The following GRAP2 variants were observed in gnomAD, a reference collection of about 807,000 sequenced individuals.
The protein encoded by GRAP2 is GRB2 related adaptor protein 2, also known as GRB2-related adapter protein 2.
A neutral mutation model predicts 43.5 loss-of-function variants in GRAP2; 31 were observed. The observed-to-expected ratio is 0.71, with a 90% CI of 0.54 to 0.96. The LOEUF (loss-of-function observed/expected upper bound fraction) is 0.96. Ranked by LOEUF, GRAP2 falls within the 40% of genes least tolerant of loss-of-function variation. The pLI is 0.00. For synonymous variants in GRAP2, 156 were observed against 164.8 expected (o/e 0.95, Z 0.41); for missense variants, 371 against 424.4 (o/e 0.87, Z 1.11).
chr22:39,906,092 A>T (rs1310139071), intron 1 of GRAP2, among the ~76,000 whole-genome samples: 1 of 152,172 alleles, frequency 6.6e-6, no homozygotes, highest in African/African-American at 2.4e-5. Context: ...GGGGGGAAAA[A>T]ATCCCTGAAA....
At chr22:39,961,357 T>C (rs1040753272) in intron 4 of GRAP2, among the ~76,000 whole-genome samples, 2 of 152,184 alleles carry the variant, frequency 1.3e-5, no homozygotes, top group African/African-American at 4.8e-5. Flanking sequence ...AGGCTGCTTC[T>C]GAAACCTTCC....
chr22:39,927,583 C>T lies in GRAP2; in HGVS notation c.-14-19510C>T, dbSNP rs17405431. On this transcript the variant is annotated intron_variant, in intron 1 of 7. Coordinates refer to ENST00000344138, the MANE Select transcript of GRAP2 (RefSeq NM_004810.4). ...CAGGATCGGATATGAATGGCCTAATCGCATCGGGAGAGGTAAACAAAACTG... is the reference window on the plus strand; with the variant it reads ...CAGGATCGGATATGAATGGCCTAATTGCATCGGGAGAGGTAAACAAAACTG... Among the ~76,000 whole-genome samples the T allele has an allele frequency of 8.3e-3, 1,262 of 152,336 alleles. 4 individuals are homozygous for T. Among genetic ancestry groups the T allele is most frequent in the Non-Finnish European group, 0.013 (871 of 68,034 alleles).
chr22:39,915,521 C>G (rs1173320442), intron 1 of GRAP2, among the ~76,000 whole-genome samples: 1 of 152,208 alleles, frequency 6.6e-6, no homozygotes, highest in Non-Finnish European at 1.5e-5. Flanking sequence ...TGCTGGTGCC[C>G]TCTCCTTTGT....
At chr22:39,930,647 A>T (rs532227599) in intron 1 of GRAP2, among the ~76,000 whole-genome samples, 157 of 152,286 alleles carry the variant, frequency 1.0e-3, no homozygotes, top group African/African-American at 3.5e-3. Context: ...CTGCCATCTG[A>T]TTAAACATTC....
intron 1 of GRAP2, among the ~76,000 whole-genome samples, chr22:39,934,288 A>T (rs1169410177): frequency 6.6e-6 from 1 of 152,170 alleles, no homozygotes; most frequent in Non-Finnish European, 1.5e-5. Context: ...TGATACTCAG[A>T]GTGTTGATTA....
intron 2 of GRAP2, among the ~76,000 whole-genome samples, chr22:39,950,447 G>T: frequency 6.6e-6 from 1 of 152,200 alleles, no homozygotes; most frequent in Non-Finnish European, 1.5e-5. Context: ...CAAAAGCTGT[G>T]CAAGGGCAGG....
At chr22:39,936,208 G>A (rs557708328) in intron 1 of GRAP2, among the ~76,000 whole-genome samples, 13 of 152,022 alleles carry the variant, frequency 8.6e-5, no homozygotes, top group Admixed American at 3.9e-4. Context: ...CCCCCACCCC[G>A]CCCTCCACCC....
rs192026234 is a variant in GRAP2, at chr22:39,905,741, G to A, written c.-15+4411G>A. Among the ~76,000 whole-genome samples the A allele has an allele frequency of 5.3e-5, 8 of 152,216 alleles. No homozygotes were observed. In the East Asian group the frequency reaches 9.6e-4, roughly 18 times the overall value. On this transcript the variant is annotated intron_variant, in intron 1 of 7. Transcript: ENST00000344138. ...ACTGAGGTACGGAGAGGTCTAGTAC[G>A]TTGCACAAGGTCACTTAACTAGTAC... is the stretch of plus-strand genomic sequence containing the variant.
intron 1 of GRAP2, among the ~76,000 whole-genome samples, chr22:39,942,932 G>T (rs982924658): frequency 6.6e-6 from 1 of 152,160 alleles, no homozygotes; most frequent in Non-Finnish European, 1.5e-5. Flanking sequence ...ATAAACTGGG[G>T]CAAGTATTCA....
intron 1 of GRAP2, among the ~76,000 whole-genome samples, chr22:39,927,695 T>C (rs1217468288): frequency 1.3e-5 from 2 of 152,132 alleles, no homozygotes; most frequent in Non-Finnish European, 2.9e-5. Context: ...CCATGACTAC[T>C]TGATAATGGC....
chr22:39,953,341 G>A (rs2067009857), intron 2 of GRAP2, among the ~76,000 whole-genome samples: 1 of 152,056 alleles, frequency 6.6e-6, no homozygotes, highest in African/African-American at 2.4e-5. Flanking sequence ...TTCTATTTCT[G>A]TAAAGCCGTC....
intron 1 of GRAP2, among the ~76,000 whole-genome samples, chr22:39,941,579 G>GA (rs956356390): frequency 1.7e-4 from 26 of 151,986 alleles, no homozygotes; most frequent in Admixed American, 1.5e-3. Context: ...TTACATGGTT[G>GA]AAAAAAATAT....
intron 1 of GRAP2, among the ~76,000 whole-genome samples, chr22:39,907,429 T>C (rs1283644011): frequency 6.6e-6 from 1 of 152,206 alleles, no homozygotes; most frequent in Non-Finnish European, 1.5e-5. Flanking sequence ...TGTCTTTCTC[T>C]AGAGTTATTG....
chr22:39,965,487 A>G (rs2067162909), intron 4 of GRAP2, among the ~76,000 whole-genome samples: 1 of 152,358 alleles, frequency 6.6e-6, no homozygotes, highest in Admixed American at 6.5e-5. Context: ...CAAGATCAAG[A>G]GATCCTTATT....
chr22:39,966,785 T>C (rs1055604132), intron 5 of GRAP2, among the ~76,000 whole-genome samples: 1 of 152,214 alleles, frequency 6.6e-6, no homozygotes, highest in African/African-American at 2.4e-5. Context: ...TTTAATCGCT[T>C]AGCTACCTGT....
Position 39,921,356 on chromosome 22 carries a change from A to T in GRAP2, c.-15+20026A>T, listed in dbSNP as rs148362999. On this transcript the variant is annotated intron_variant, in intron 1 of 7. Transcript: ENST00000344138. Reference sequence around the variant, plus strand: ...CTTGCATGGGTTCATTATGAAAATTAGATTGATTGATGACATAATACATAG... The same window carrying T: ...CTTGCATGGGTTCATTATGAAAATTTGATTGATTGATGACATAATACATAG... Among the ~76,000 whole-genome samples, 5 of 152,364 alleles carry T rather than the reference A, an allele frequency of 3.3e-5. No individual in the cohort carries two copies. In the East Asian group the frequency reaches 5.8e-4, roughly 18 times the overall value.
intron 1 of GRAP2, among the ~76,000 whole-genome samples, chr22:39,945,151 C>T (rs1240927732): frequency 6.6e-6 from 1 of 152,208 alleles, no homozygotes; most frequent in African/African-American, 2.4e-5. Context: ...TAGGTCACAA[C>T]AATTTTAATT....
chr22:39,938,558 CAG>C (rs2145619678), intron 1 of GRAP2, among the ~76,000 whole-genome samples: 1 of 152,314 alleles, frequency 6.6e-6, no homozygotes, highest in South Asian at 2.1e-4. Flanking sequence ...GGGGCCCTGG[CAG>C]AGAGAAGCAT....
chr22:39,966,239 T>C lies in GRAP2; in HGVS notation c.459+81T>C, dbSNP rs546986327. On this transcript the variant is annotated intron_variant, in intron 5 of 7. Transcript: ENST00000344138. ...CACATGAACCACCAGGAAAAATGCA[T>C]AGGATGGGTAGATCCTCTGAGTATA... 1.5e-5 allele frequency: 16 copies of C among 1,051,026 alleles called. No homozygotes were observed. The East Asian group carries it at 2.9e-4, about 19-fold the overall frequency. The allele number at this position is 1,051,026 out of a possible 1,614,324, so 65.1% of individuals were successfully genotyped here.
Sources: allele counts gnomAD v4.1 joint callset (sites outside exome capture counted in the v4.1 genomes callset), GRCh38; gene constraint gnomAD v4.1.1; transcripts MANE v1.5; gene names NCBI Gene and HGNC (gene_info 2026-07-23, HGNC 2026-07-21).